Variants in ANKRD28 observed in about 807,000 individuals in gnomAD.
ANKRD28 encodes serine/threonine-protein phosphatase 6 regulatory ankyrin repeat subunit A.
In ANKRD28, 44 loss-of-function variants were observed where a neutral mutation model predicts 126.5. That is an observed-to-expected ratio of 0.35 (90% CI 0.27 to 0.45). The LOEUF is 0.45. ANKRD28 is among the 20% of genes least tolerant of loss of function. The probability of loss-of-function intolerance (pLI) is 1.00; values close to 1 mark genes in which losing one functional copy is unlikely to be tolerated. For missense variants in ANKRD28, 1,110 were observed against 1,316.6 expected, an observed-to-expected ratio of 0.84 and a Z score of 2.43; for synonymous variants, 442 against 468.5, an observed-to-expected ratio of 0.94 and a Z score of 0.73.
chr3:15,758,878 G>T (rs1341789034), intron 3 of ANKRD28, among the ~76,000 whole-genome samples: 2 of 152,204 alleles, frequency 1.3e-5, no homozygotes, highest in African/African-American at 4.8e-5. Context: ...GTGTTTTCTA[G>T]TAAGGAGAGT....
intron 1 of ANKRD28, among the ~76,000 whole-genome samples, chr3:15,848,023 G>T (rs1460183745): frequency 6.6e-6 from 1 of 152,174 alleles, no homozygotes; most frequent in Non-Finnish European, 1.5e-5. Context: ...CTTCTTGACA[G>T]TTCTCCAAAC....
intron 1 of ANKRD28, among the ~76,000 whole-genome samples, chr3:15,826,062 G>A (rs1286449417): frequency 6.6e-6 from 1 of 152,094 alleles, no homozygotes; most frequent in African/African-American, 2.4e-5. Flanking sequence ...TATATCCTAT[G>A]ACCCAGCAAT....
At chr3:15,767,869 CAG>C (rs1037779636) in intron 2 of ANKRD28, among the ~76,000 whole-genome samples, 45 of 151,906 alleles carry the variant, frequency 3.0e-4, no homozygotes, top group African/African-American at 1.0e-3. Context: ...GCCTGGATGA[CAG>C]AGAGAGACTC....
chr3:15,694,869 C>G, intron 16 of ANKRD28, 56 bp from the exon 17 acceptor site: 1 of 1,494,774 alleles, frequency 6.7e-7, no homozygotes, highest in South Asian at 1.1e-5. Flanking sequence ...CAATTATTCT[C>G]TCCCACCCAC....
At chr3:15,702,458 T>C (rs923083506) in intron 14 of ANKRD28, among the ~76,000 whole-genome samples, 2 of 152,218 alleles carry the variant, frequency 1.3e-5, no homozygotes, top group African/African-American at 4.8e-5. Context: ...TAATCTGTCC[T>C]CTGAAATAAA....
intron 20 of ANKRD28, among the ~76,000 whole-genome samples, chr3:15,685,786 T>G (rs939622491): frequency 6.6e-6 from 1 of 152,216 alleles, no homozygotes; most frequent in Non-Finnish European, 1.5e-5. Flanking sequence ...ACTAAAAGTT[T>G]TAGAGTTTTA....
rs1011331775 is a variant in ANKRD28, at chr3:15,839,291, T to G, written c.27+20086A>C. Among the ~76,000 whole-genome samples, 5 of 152,048 alleles carry G rather than the reference T, an allele frequency of 3.3e-5. No individual in the cohort carries two copies. Among genetic ancestry groups the G allele is most frequent in the Admixed American group, 2.0e-4 (3 of 15,276 alleles). ...ATAAACTGTTAAAAAAAAAACACAC[T>G]GATCTAACCAATCACCAGCTCTTTT... On this transcript the variant is annotated intron_variant, in intron 1 of 27. Transcript: ENST00000399451. The surrounding 1 kb of genome is among the most constrained non-coding windows in gnomAD (Gnocchi z 4.3).
Position 15,812,253 on chromosome 3 carries a change from C to T in ANKRD28, c.28-16947G>A, listed in dbSNP as rs937624187. ...ATAGAGCTGGGCACAGCGGTGTACA[C>T]CTGTAGTCCCAGCTACTTGGGAGGC... On this transcript the variant is annotated intron_variant, in intron 1 of 27. Coordinates refer to the ANKRD28 transcript ENST00000399451. The surrounding 1 kb of genome is among the most constrained non-coding windows in gnomAD (Gnocchi z 4.1). Among the ~76,000 whole-genome samples the T allele has an allele frequency of 6.6e-6, 1 of 152,160 alleles. No homozygotes were observed. Among genetic ancestry groups the T allele is most frequent in the African/African-American group, 2.4e-5 (1 of 41,426 alleles).
chr3:15,801,022 G>A (rs1157010336), upstream of ANKRD28, among the ~76,000 whole-genome samples: 1 of 152,064 alleles, frequency 6.6e-6, no homozygotes, highest in Non-Finnish European at 1.5e-5. This position sits in a 1 kb window ranked among gnomAD's most constrained non-coding sequence, Gnocchi z 4.9. Context: ...GATAAAGATT[G>A]TGCAAACTGT....
At chr3:15,687,230 A>C (rs1361067277) in intron 18 of ANKRD28, among the ~76,000 whole-genome samples, 2 of 152,130 alleles carry the variant, frequency 1.3e-5, no homozygotes, top group Non-Finnish European at 2.9e-5. Context: ...GGCATGAGCC[A>C]CCGTGCCCAG....
chr3:15,836,779 A>G (rs2061333597), intron 1 of ANKRD28, among the ~76,000 whole-genome samples: 1 of 152,036 alleles, frequency 6.6e-6, no homozygotes, highest in Admixed American at 6.5e-5. Context: ...ATAAACATAA[A>G]CATATGGAGC....
intron 3 of ANKRD28, among the ~76,000 whole-genome samples, chr3:15,760,232 A>G (rs1289455597): frequency 2.6e-5 from 4 of 152,218 alleles, no homozygotes; most frequent in South Asian, 2.1e-4. Flanking sequence ...AGGAAAAATA[A>G]TGGGAACTAG....
intron 2 of ANKRD28, among the ~76,000 whole-genome samples, chr3:15,794,122 T>G (rs1309674634): frequency 6.6e-6 from 1 of 152,110 alleles, no homozygotes; most frequent in African/African-American, 2.4e-5. Context: ...GGTGCATGTT[T>G]CCAACTAAAT....
chr3:15,693,925 C>A (rs1299781052), intron 17 of ANKRD28, among the ~76,000 whole-genome samples: 4 of 152,066 alleles, frequency 2.6e-5, no homozygotes, highest in African/African-American at 9.7e-5. Flanking sequence ...AAGAAACAAT[C>A]AAATGAATAA....
intron 21 of ANKRD28, 34 bp downstream of exon 21, chr3:15,685,192 C>T (rs1434300747): frequency 3.1e-6 from 5 of 1,599,356 alleles, no homozygotes; most frequent in East Asian, 2.2e-5. Flanking sequence ...CTGTTCACTA[C>T]ACAATGATAT....
intron 2 of ANKRD28, among the ~76,000 whole-genome samples, chr3:15,775,253 C>T (rs1027433112): frequency 1.3e-5 from 2 of 152,204 alleles, no homozygotes; most frequent in Admixed American, 6.5e-5. Flanking sequence ...GTGCCTGAAA[C>T]TGTCATAAAA....
At chr3:15,805,790 C>T (rs1028674978) in intron 1 of ANKRD28, among the ~76,000 whole-genome samples, 3 of 152,106 alleles carry the variant, frequency 2.0e-5, no homozygotes, top group South Asian at 4.1e-4. Flanking sequence ...AAATAAGTTG[C>T]TATGGTTACA....
At chr3:15,730,363 C>T (rs1195557434) in intron 6 of ANKRD28, among the ~76,000 whole-genome samples, 3 of 151,926 alleles carry the variant, frequency 2.0e-5, no homozygotes, top group African/African-American at 7.3e-5. Context: ...TGAGGTGGGG[C>T]GCTAGGGAAC....
At chr3:15,710,570 A>G (rs777938397) in intron 12 of ANKRD28, among the ~76,000 whole-genome samples, 9 of 152,224 alleles carry the variant, frequency 5.9e-5, no homozygotes, top group Non-Finnish European at 1.2e-4. Flanking sequence ...AGAAATTATC[A>G]TTGAGAATAA....
Sources: gnomAD v4.1 joint callset for allele counts (sites outside exome capture counted in the v4.1 genomes callset) on GRCh38, gnomAD v4.1.1 for gene constraint, Gnocchi (gnomAD v3.1) non-coding constraint, MANE v1.5 for transcripts, NCBI Gene and HGNC (gene_info 2026-07-23, HGNC 2026-07-21) for gene names.